SUPT3H: variants seen among roughly 807,000 people sequenced by gnomAD.
SUPT3H encodes transcription initiation protein SPT3 homolog.
A neutral mutation model predicts 44.3 loss-of-function variants in SUPT3H; 44 were observed. The observed-to-expected ratio is 0.99, with a 90% CI of 0.78 to 1.28. The LOEUF (loss-of-function observed/expected upper bound fraction) is 1.28, where lower values mean the gene tolerates loss of function less well. Ranked by LOEUF, SUPT3H falls within the 50% of genes most tolerant of loss-of-function variation. The pLI is 0.00. For missense variants in SUPT3H, 380 were observed against 387.1 expected (o/e 0.98, Z 0.15); for synonymous variants, 124 against 125.6 (o/e 0.99, Z 0.09).
chr6:45,023,043 C>A (rs575920253), intron 3 of SUPT3H, among the ~76,000 whole-genome samples: 2 of 151,950 alleles, frequency 1.3e-5, no homozygotes, highest in East Asian at 3.9e-4. Flanking sequence ...ACCAGAAAGA[C>A]TAAAGAAAGT....
At chr6:45,016,208 T>A (rs537208147) in intron 4 of SUPT3H, among the ~76,000 whole-genome samples, 1 of 152,192 alleles carries the variant, frequency 6.6e-6, no homozygotes, top group South Asian at 2.1e-4. Flanking sequence ...ACCTACAACA[T>A]CACTTGATAA....
chr6:45,290,213 T>C (rs1780092850), intron 2 of SUPT3H, among the ~76,000 whole-genome samples: 1 of 152,120 alleles, frequency 6.6e-6, no homozygotes, highest in Admixed American at 6.6e-5. Flanking sequence ...ATATTTTTCT[T>C]CCTTTGGACA....
chr6:45,238,418 G>C (rs1218472879), intron 2 of SUPT3H, among the ~76,000 whole-genome samples: 1 of 152,192 alleles, frequency 6.6e-6, no homozygotes, highest in Admixed American at 6.5e-5. Context: ...GATATGACCT[G>C]CTCTAGGCAT....
In SUPT3H at chr6:45,104,995, T is replaced by A. The variant is rs1040618232; in HGVS notation, c.186+927A>T. Among the ~76,000 whole-genome samples the A allele has an allele frequency of 5.9e-5, 9 of 151,978 alleles. No individual in the cohort carries two copies. In the East Asian group the frequency reaches 1.7e-3, roughly 29 times the overall value. On this transcript the variant is annotated intron_variant, in intron 3 of 10. Transcript: ENST00000371459. ...AAAAACAAGAAAAACTACAAGGAAG[T>A]TTAGCCCTAATAATCATTAAAATAT...
chr6:45,352,683 T>A (rs957388756), intron 2 of SUPT3H, among the ~76,000 whole-genome samples: 1 of 152,138 alleles, frequency 6.6e-6, no homozygotes, highest in Non-Finnish European at 1.5e-5. Context: ...TGTTTATAAG[T>A]AGTCATGAAT....
intron 3 of SUPT3H, among the ~76,000 whole-genome samples, chr6:45,089,066 T>C (rs1161692039): frequency 1.3e-5 from 2 of 151,954 alleles, no homozygotes; most frequent in African/African-American, 4.8e-5. Context: ...GAATGGAAAA[T>C]ATAGTAGCAA....
chr6:45,158,290 A>ATTTTTTTTTT (rs1562572907), intron 2 of SUPT3H, among the ~76,000 whole-genome samples: 1 of 39,788 alleles, frequency 2.5e-5, no homozygotes. Flanking sequence ...ATATATATAT[A>ATTTTTTTTTT]TATATATATT....
chr6:45,362,098 C>A (rs913136158), intron 2 of SUPT3H, among the ~76,000 whole-genome samples: 13 of 152,152 alleles, frequency 8.5e-5, no homozygotes, highest in Admixed American at 6.5e-5. Flanking sequence ...GTTAAGAATG[C>A]CTCACTGGTG....
intron 2 of SUPT3H, among the ~76,000 whole-genome samples, chr6:45,189,305 G>C (rs1814770690): frequency 6.6e-6 from 1 of 151,996 alleles, no homozygotes; most frequent in Non-Finnish European, 1.5e-5. Flanking sequence ...TAAATCACAA[G>C]GTTCAAAGTT....
At chr6:45,043,472 C>T (rs1383107996) in intron 3 of SUPT3H, among the ~76,000 whole-genome samples, 1 of 152,106 alleles carries the variant, frequency 6.6e-6, no homozygotes, top group Non-Finnish European at 1.5e-5. Context: ...CAGTCCTTTT[C>T]CTCCTCAGGC....
At chr6:45,240,426 G>C (rs1770076622) in intron 2 of SUPT3H, among the ~76,000 whole-genome samples, 2 of 152,180 alleles carry the variant, frequency 1.3e-5, no homozygotes, top group African/African-American at 4.8e-5. Context: ...ATGCCTGGAT[G>C]TAATCACTCT....
intron 2 of SUPT3H, among the ~76,000 whole-genome samples, chr6:45,138,423 C>G (rs1480675171): frequency 6.6e-6 from 1 of 152,098 alleles, no homozygotes; most frequent in African/African-American, 2.4e-5. Context: ...AGCTACATTA[C>G]TCATAAGGCA....
At chr6:44,962,609 T>C (rs911904618) in intron 6 of SUPT3H, among the ~76,000 whole-genome samples, 4 of 152,166 alleles carry the variant, frequency 2.6e-5, no homozygotes, top group Non-Finnish European at 4.4e-5. Context: ...GGAAGAACTT[T>C]CAGCAAGTTA....
chr6:45,088,336 T>C (rs571827136), intron 3 of SUPT3H, among the ~76,000 whole-genome samples: 1 of 152,158 alleles, frequency 6.6e-6, no homozygotes, highest in African/African-American at 2.4e-5. Context: ...ATGCTATGAA[T>C]CTTCGAGCGC....
At chr6:45,099,840 T>G (rs948713587) in intron 3 of SUPT3H, among the ~76,000 whole-genome samples, 1 of 152,194 alleles carries the variant, frequency 6.6e-6, no homozygotes, top group Non-Finnish European at 1.5e-5. Context: ...ACTTTTGTTT[T>G]CAGGATAATT....
chr6:45,310,371 A>G (rs1444398099), intron 2 of SUPT3H, among the ~76,000 whole-genome samples: 1 of 152,062 alleles, frequency 6.6e-6, no homozygotes, highest in African/African-American at 2.4e-5. Flanking sequence ...CAAAGGACAT[A>G]CAATCCTGGG....
chr6:45,330,438 A>G (rs997634633), intron 2 of SUPT3H, among the ~76,000 whole-genome samples: 11 of 152,024 alleles, frequency 7.2e-5, no homozygotes, highest in African/African-American at 2.7e-4. Flanking sequence ...TCAGGGAGGG[A>G]TAACAGAGGC....
intron 2 of SUPT3H, among the ~76,000 whole-genome samples, chr6:45,242,520 T>C (rs1208751808): frequency 6.6e-6 from 1 of 152,180 alleles, no homozygotes; most frequent in East Asian, 1.9e-4. Flanking sequence ...GACACTTAAG[T>C]TCACACCAGT....
chr6:45,134,875 C>T (rs952747602), intron 2 of SUPT3H, among the ~76,000 whole-genome samples: 10 of 152,320 alleles, frequency 6.6e-5, no homozygotes, highest in South Asian at 6.2e-4. Flanking sequence ...GGCTCCACTA[C>T]GCACTGCCTT....
Sources: gnomAD v4.1 joint callset for allele counts (sites outside exome capture counted in the v4.1 genomes callset) on GRCh38, gnomAD v4.1.1 for gene constraint, MANE v1.5 for transcripts, NCBI Gene and HGNC (gene_info 2026-07-23, HGNC 2026-07-21) for gene names.